Variants in ALMS1 observed in about 807,000 individuals in gnomAD.
ALMS1 encodes ALMS1 centrosome and basal body associated protein.
ALMS1 carries 271 observed loss-of-function variants against 352.2 expected under a neutral mutation model. The observed-to-expected ratio is 0.77, with a 90% CI of 0.70 to 0.85. The LOEUF is 0.85. Ranked by LOEUF, ALMS1 falls within the 40% of genes least tolerant of loss-of-function variation. ALMS1 has a pLI of 0.00. For missense variants in ALMS1, 5,445 were observed against 4,870.7 expected, an observed-to-expected ratio of 1.12 and a Z score of -3.51; for synonymous variants, 1,865 against 1,761.2, an observed-to-expected ratio of 1.06 and a Z score of -1.48.
At chr2:73,435,971 T>C (rs893227920) in intron 7 of ALMS1, among the ~76,000 whole-genome samples, 2 of 152,254 alleles carry the variant, frequency 1.3e-5, no homozygotes, top group East Asian at 1.9e-4. Flanking sequence ...TAGTTACCGA[T>C]GTAGTTATTT....
In ALMS1 at chr2:73,601,253, G is replaced by A. The variant is rs755392274; in HGVS notation, c.11931G>A (p.Val3977=). 14 of 1,614,230 alleles carry A rather than the reference G, an allele frequency of 8.7e-6. No individual in the cohort carries two copies. Among genetic ancestry groups the A allele is most frequent in the Non-Finnish European group, 1.2e-5 (14 of 1,180,024 alleles). The change falls in exon 19 of 23, where the codon GTG becomes GTA. Residue 3977 remains valine, a synonymous_variant. Coordinates refer to ENST00000613296, the MANE Select transcript of ALMS1 (RefSeq NM_001378454.1). The part of the protein sequence containing the change: ...NVESRSKKEN[V]PNTCGPGISW... ...AGTCTAGATCAAAGAAGGAAAACGT[G>A]CCTAACACTTGTGGCCCTGGCATCT...
chr2:73,488,294 G>C (rs1045500632), intron 9 of ALMS1, among the ~76,000 whole-genome samples: 5 of 152,256 alleles, frequency 3.3e-5, no homozygotes, highest in Admixed American at 1.3e-4. Context: ...AGGGGCGGCA[G>C]GGGGCTGGTG....
chr2:73,435,111 C>G (rs1329882584), intron 7 of ALMS1, among the ~76,000 whole-genome samples: 1 of 152,206 alleles, frequency 6.6e-6, no homozygotes, highest in Non-Finnish European at 1.5e-5. Context: ...AATCCCTCTA[C>G]TTTCAACCTA....
At chr2:73,579,943 A>G (rs1320714974) in intron 16 of ALMS1, among the ~76,000 whole-genome samples, 1 of 151,818 alleles carries the variant, frequency 6.6e-6, no homozygotes, top group Non-Finnish European at 1.5e-5. Flanking sequence ...GGAGTTTCCA[A>G]CCATTATTTC....
intron 16 of ALMS1, among the ~76,000 whole-genome samples, chr2:73,576,520 C>T (rs1163799288): frequency 6.6e-6 from 1 of 151,614 alleles, no homozygotes; most frequent in Admixed American, 6.6e-5. Flanking sequence ...GAGGAAGTTC[C>T]CTTCTTTTTC....
At chr2:73,409,519 T>C (rs1172705706) in intron 2 of ALMS1, among the ~76,000 whole-genome samples, 1 of 152,182 alleles carries the variant, frequency 6.6e-6, no homozygotes, top group African/African-American at 2.4e-5. Context: ...AAAACTATTT[T>C]AAAATTTATT....
In ALMS1 at chr2:73,453,232, A is replaced by G; in HGVS notation, c.6705A>G (p.Lys2235=). The G allele has an allele frequency of 6.2e-7, 1 of 1,614,024 alleles. No individual in the cohort carries two copies. Among genetic ancestry groups the G allele is most frequent in the African/African-American group, 1.3e-5 (1 of 75,042 alleles). ...CTGATGACAGAGTTGTAATAAATAA[A>G]CCAGAATCTGCAGGTTTTAGAGATG... ...SQADDRVVIN[K]PESAGFRDVG... is the part of the protein sequence containing the mutation. Residue 2235 remains lysine, a synonymous_variant, in exon 8 of 23, where the codon AAA becomes AAG. Coordinates refer to ENST00000613296, the MANE Select transcript of ALMS1 (RefSeq NM_001378454.1).
chr2:73,578,334 C>G (rs1675096981), intron 16 of ALMS1, among the ~76,000 whole-genome samples: 1 of 152,012 alleles, frequency 6.6e-6, no homozygotes, highest in Non-Finnish European at 1.5e-5. Context: ...GCTATTCTGC[C>G]CTCTCTGCCT....
chr2:73,495,267 C>G (rs1345190005), intron 10 of ALMS1, among the ~76,000 whole-genome samples: 1 of 152,066 alleles, frequency 6.6e-6, no homozygotes, highest in East Asian at 1.9e-4. Context: ...CGGAGTCTTG[C>G]TCTGTCACCC....
chr2:73,572,507 A>G lies in ALMS1; in HGVS notation c.10630A>G (p.Arg3544Gly), dbSNP rs773075850. 45 of 1,613,670 alleles carry G rather than the reference A, an allele frequency of 2.8e-5. No individual in the cohort carries two copies. Among genetic ancestry groups the G allele is most frequent in the Non-Finnish European group, 3.2e-5 (38 of 1,179,966 alleles). The change falls in exon 16 of 23, where the codon AGA (arginine) becomes GGA (glycine). Residue 3544 changes from arginine to glycine, a missense_variant. Physicochemically the swap from Arg to Gly is moderately radical, Grantham distance 125 (BLOSUM62 -2). Transcript: ENST00000613296. ...GGACAAGACTAAGACAGATTATACC[A>G]GAATAAAGAGCCTCAGCATCAATGT... is the stretch of plus-strand genomic sequence containing the variant. Reference protein sequence around the residue: ...NMDKTKTDYTRIKSLSINVNL... With the variant: ...NMDKTKTDYTGIKSLSINVNL...
In ALMS1 at chr2:73,601,290, C is replaced by G. The variant is rs189851617; in HGVS notation, c.11968C>G (p.Pro3990Ala). 85 of 1,614,176 alleles carry G rather than the reference C, an allele frequency of 5.3e-5. No individual in the cohort carries two copies. The Admixed American group carries it at 5.7e-4, about 11-fold the overall frequency. Residue 3990 changes from proline to alanine, a missense_variant, in exon 19 of 23, where the codon CCA becomes GCA. Pro to Ala is a conservative substitution (Grantham distance 27, BLOSUM62 -1). Coordinates refer to ENST00000613296, the MANE Select transcript of ALMS1 (RefSeq NM_001378454.1). ...TCGPGISWFE[P>A]ITKTRPWREP... ...TGGCCCTGGCATCTCCTGGTTTGAA[C>G]CAATAACCAAGACCAGACCCTGGAG... is the stretch of plus-strand genomic sequence containing the variant.
chr2:73,483,410 T>C (rs985401521), intron 9 of ALMS1, among the ~76,000 whole-genome samples: 27 of 152,056 alleles, frequency 1.8e-4, no homozygotes, highest in Middle Eastern at 6.8e-3. Context: ...TCTTGAGTTC[T>C]AGTTTGATTG....
intron 11 of ALMS1, among the ~76,000 whole-genome samples, chr2:73,522,237 C>T (rs544689858): frequency 1.3e-5 from 2 of 152,114 alleles, no homozygotes; most frequent in African/African-American, 4.8e-5. Flanking sequence ...TTTGTCCAAT[C>T]GTTGCTGTTA....
intron 16 of ALMS1, among the ~76,000 whole-genome samples, chr2:73,598,156 A>G (rs1675591940): frequency 6.6e-6 from 1 of 152,250 alleles, no homozygotes; most frequent in Admixed American, 6.5e-5. Flanking sequence ...ATTATCATCC[A>G]ACCCATATAA....
intron 10 of ALMS1, among the ~76,000 whole-genome samples, chr2:73,494,527 G>T (rs1189979758): frequency 6.6e-6 from 1 of 152,172 alleles, no homozygotes; most frequent in Non-Finnish European, 1.5e-5. Flanking sequence ...ATTCCGTCTT[G>T]CATTTTAGTT....
rs1273182876 is a variant in ALMS1, at chr2:73,403,977, G to T, written c.325-4645G>T. Among the ~76,000 whole-genome samples, 7 of 152,122 alleles carry T rather than the reference G, an allele frequency of 4.6e-5. 1 individual carries two copies. The highest frequency in any genetic ancestry group is 4.6e-4 in the Admixed American group (7 of 15,280). On this transcript the variant is annotated intron_variant, in intron 1 of 22. Coordinates refer to ENST00000613296, the MANE Select transcript of ALMS1 (RefSeq NM_001378454.1). Reference sequence around the variant, plus strand: ...TGCAGTGGCTCGATCCCTGCTCACTGCAACCTCCACCTCCTGGGTTCAAGT... The same window carrying T: ...TGCAGTGGCTCGATCCCTGCTCACTTCAACCTCCACCTCCTGGGTTCAAGT...
intron 2 of ALMS1, among the ~76,000 whole-genome samples, chr2:73,413,576 C>T (rs1324737590): frequency 6.6e-6 from 1 of 152,134 alleles, no homozygotes; most frequent in Non-Finnish European, 1.5e-5. Flanking sequence ...TGTAACCATC[C>T]GGAATGCTTT....
intron 11 of ALMS1, among the ~76,000 whole-genome samples, chr2:73,524,244 A>T (rs1673743684): frequency 6.6e-6 from 1 of 152,140 alleles, no homozygotes; most frequent in Non-Finnish European, 1.5e-5. Flanking sequence ...GTTCTTTTGA[A>T]CTGTGTAATT....
At chr2:73,489,302 A>G (rs1190449346) in intron 9 of ALMS1, among the ~76,000 whole-genome samples, 2 of 152,212 alleles carry the variant, frequency 1.3e-5, no homozygotes, top group East Asian at 1.9e-4. Flanking sequence ...CTTGGTGGCT[A>G]TGTGGCCAGC....
Sources: allele counts gnomAD v4.1 joint callset (sites outside exome capture counted in the v4.1 genomes callset), GRCh38; gene constraint gnomAD v4.1.1; transcripts MANE v1.5; gene names NCBI Gene and HGNC (gene_info 2026-07-23, HGNC 2026-07-21).